The following BRAF variants were observed in gnomAD, a reference collection of about 807,000 sequenced individuals.
The protein encoded by BRAF is B-Raf proto-oncogene, serine/threonine kinase.
A neutral mutation model predicts 104.6 loss-of-function variants in BRAF; 16 were observed. The ratio of observed to expected loss-of-function variants is 0.15; its 90% CI spans 0.10 to 0.23. The LOEUF (loss-of-function observed/expected upper bound fraction) is 0.23. Among genes scored for constraint, BRAF ranks in the 10% least tolerant of loss-of-function variants. BRAF has a pLI of 1.00. For synonymous variants in BRAF, 310 were observed against 341.6 expected, an observed-to-expected ratio of 0.91 and a Z score of 1.02; for missense variants, 541 against 937.3, an observed-to-expected ratio of 0.58 and a Z score of 5.52.
intron 14 of BRAF, among the ~76,000 whole-genome samples, chr7:140,764,288 G>C (rs1799083412): frequency 6.6e-6 from 1 of 151,228 alleles, no homozygotes; most frequent in African/African-American, 2.4e-5. Flanking sequence ...GGTATTGATG[G>C]GACGTATCTC....
At chr7:140,799,972 T>TA (rs1303922577) in intron 7 of BRAF, 1 of 398,178 alleles carries the variant, frequency 2.5e-6, no homozygotes, top group Non-Finnish European at 4.7e-6. Context: ...CACTTATTTG[T>TA]ACCAAATGCA....
At chr7:140,791,345 C>G (rs576857943) in intron 8 of BRAF, among the ~76,000 whole-genome samples, 1 of 152,258 alleles carries the variant, frequency 6.6e-6, no homozygotes, top group South Asian at 2.1e-4. Flanking sequence ...TCATTTGAAT[C>G]GTAATGGCAA....
Position 140,724,869 on chromosome 7 carries a change from C to T in BRAF, c.*1625G>A, listed in dbSNP as rs531927206. 3.0e-5 allele frequency: 31 copies of T among 1,038,100 alleles called. No homozygotes were observed. In the South Asian group the frequency reaches 5.5e-4, roughly 18 times the overall value. The allele number at this position is 1,038,100 out of a possible 1,614,324, so 64.3% of individuals were successfully genotyped here. On this transcript the variant is annotated 3_prime_UTR_variant, in exon 20 of 20. Transcript: ENST00000644969. Reference sequence around the variant, plus strand: ...TCCATTAATTTGCCATTAATACATCCGCTTTCTTTGCTATGACTGTGATTG... The same window carrying T: ...TCCATTAATTTGCCATTAATACATCTGCTTTCTTTGCTATGACTGTGATTG...
intron 3 of BRAF, among the ~76,000 whole-genome samples, chr7:140,812,228 A>C (rs1216523377): frequency 6.7e-6 from 1 of 149,150 alleles, no homozygotes; most frequent in Non-Finnish European, 1.5e-5. Context: ...AAGACTTCTG[A>C]GAATCTAATG....
intron 1 of BRAF, among the ~76,000 whole-genome samples, chr7:140,867,076 T>C (rs1231054875): frequency 6.6e-6 from 1 of 152,148 alleles, no homozygotes; most frequent in African/African-American, 2.4e-5. Flanking sequence ...CAATAACAAG[T>C]AGGTGATAAA....
intron 3 of BRAF, among the ~76,000 whole-genome samples, chr7:140,833,242 A>G (rs1182857538): frequency 2.0e-5 from 3 of 152,118 alleles, no homozygotes; most frequent in Admixed American, 2.0e-4. Flanking sequence ...AACAACCCCA[A>G]TTTTACATTT....
chr7:140,848,156 T>C (rs867350489), intron 2 of BRAF, among the ~76,000 whole-genome samples: 3 of 152,006 alleles, frequency 2.0e-5, no homozygotes, highest in African/African-American at 4.8e-5. Flanking sequence ...CTGAAGGGAA[T>C]AGAAATATTT....
At chr7:140,738,717 A>T (rs192959380) in intron 18 of BRAF, among the ~76,000 whole-genome samples, 4 of 152,104 alleles carry the variant, frequency 2.6e-5, no homozygotes, top group Non-Finnish European at 2.9e-5. Flanking sequence ...CCTGGGTTCA[A>T]GCGATTCTCA....
intron 3 of BRAF, among the ~76,000 whole-genome samples, chr7:140,828,237 T>C (rs2129058259): frequency 6.6e-6 from 1 of 152,328 alleles, no homozygotes; most frequent in South Asian, 2.1e-4. Flanking sequence ...GAAATACTAT[T>C]ATTCCTTTAA....
intron 14 of BRAF, among the ~76,000 whole-genome samples, chr7:140,763,725 C>T (rs1356278386): frequency 6.6e-6 from 1 of 152,212 alleles, no homozygotes; most frequent in Non-Finnish European, 1.5e-5. Flanking sequence ...TCGACACATA[C>T]ACTCTCCCAA....
chr7:140,915,242 T>G (rs921783187), intron 1 of BRAF, among the ~76,000 whole-genome samples: 35 of 151,984 alleles, frequency 2.3e-4, no homozygotes, highest in Non-Finnish European at 1.5e-5. Context: ...CCCCAAGCAG[T>G]ACATTAAACT....
chr7:140,729,217 G>A (rs936176021), intron 19 of BRAF, among the ~76,000 whole-genome samples: 3 of 151,228 alleles, frequency 2.0e-5, no homozygotes, highest in African/African-American at 4.9e-5. Context: ...CCTGAGTAAC[G>A]AAACCCTGTC....
At chr7:140,844,329 C>T (rs924902734) in intron 2 of BRAF, among the ~76,000 whole-genome samples, 10 of 152,032 alleles carry the variant, frequency 6.6e-5, no homozygotes, top group Non-Finnish European at 1.3e-4. Context: ...GTTACTTTTG[C>T]TTCTTTAGTA....
intron 3 of BRAF, among the ~76,000 whole-genome samples, chr7:140,818,325 T>G (rs2129053173): frequency 6.6e-6 from 1 of 151,944 alleles, no homozygotes; most frequent in South Asian, 2.1e-4. Context: ...TTTTTTTTTT[T>G]TTTTTGAGAT....
intron 3 of BRAF, among the ~76,000 whole-genome samples, chr7:140,813,195 A>G (rs2129050570): frequency 6.6e-6 from 1 of 152,274 alleles, no homozygotes; most frequent in East Asian, 1.9e-4. Flanking sequence ...CTCCTGAAAA[A>G]TTGAGATGAA....
At position 140,724,104 on chromosome 7, in the gene BRAF, T is replaced by C; in HGVS notation, c.*2390A>G. On this transcript the variant is annotated 3_prime_UTR_variant, in exon 20 of 20. Coordinates refer to ENST00000644969, the MANE Select transcript of BRAF (RefSeq NM_001374258.1). ...AGTCTGCTCCCCCGTTCAAATGAGA[T>C]ACCAGCCTATTCTAAAATGCAAGGG... The C allele has an allele frequency of 4.8e-6, 5 of 1,050,100 alleles. No individual in the cohort carries two copies. Among genetic ancestry groups the C allele is most frequent in the Non-Finnish European group, 5.7e-6 (5 of 869,774 alleles). The allele number at this position is 1,050,100 out of a possible 1,614,324, so 65.0% of individuals were successfully genotyped here. A position where few individuals can be genotyped will look rare whatever the true frequency, so the allele number is the denominator to read the frequency against.
At chr7:140,844,620 C>T (rs1808350369) in intron 2 of BRAF, among the ~76,000 whole-genome samples, 1 of 152,292 alleles carries the variant, frequency 6.6e-6, no homozygotes, top group African/African-American at 2.4e-5. Flanking sequence ...GAAAGAGAAA[C>T]ATCCTTTATA....
intron 3 of BRAF, among the ~76,000 whole-genome samples, chr7:140,822,935 G>A (rs191997333): frequency 5.9e-5 from 9 of 152,232 alleles, no homozygotes; most frequent in Admixed American, 4.6e-4. Flanking sequence ...TGATCCTCCT[G>A]CTTCAGCCTC....
At chr7:140,902,386 G>A (rs1373679559) in intron 1 of BRAF, among the ~76,000 whole-genome samples, 1 of 152,038 alleles carries the variant, frequency 6.6e-6, no homozygotes, top group African/African-American at 2.4e-5. Flanking sequence ...ACCCCTTCTT[G>A]GGCCTCCTAT....
Sources: allele counts gnomAD v4.1 joint callset (sites outside exome capture counted in the v4.1 genomes callset), GRCh38; gene constraint gnomAD v4.1.1; transcripts MANE v1.5; gene names NCBI Gene and HGNC (gene_info 2026-07-23, HGNC 2026-07-21).